Variants in MAML2 observed in about 807,000 individuals in gnomAD.
MAML2 encodes the protein mastermind like transcriptional coactivator 2, also known as mastermind-like protein 2.
A neutral mutation model predicts 96.1 loss-of-function variants in MAML2; 22 were observed. The ratio of observed to expected loss-of-function variants is 0.23; its 90% CI spans 0.16 to 0.33. The LOEUF (loss-of-function observed/expected upper bound fraction) is 0.33, where lower values mean the gene tolerates loss of function less well. Ranked by LOEUF, MAML2 falls within the 10% of genes least tolerant of loss-of-function variation. The pLI, the probability that MAML2 is intolerant of heterozygous loss-of-function variation, is 1.00. For missense variants in MAML2, 1,367 were observed against 1,392.4 expected, an observed-to-expected ratio of 0.98 and a Z score of 0.29; for synonymous variants, 561 against 521.3, an observed-to-expected ratio of 1.08 and a Z score of -1.04.
intron 1 of MAML2, among the ~76,000 whole-genome samples, chr11:96,122,302 GA>G: frequency 6.6e-6 from 1 of 151,432 alleles, no homozygotes; most frequent in East Asian, 1.9e-4. Context: ...AAAACCTGCA[GA>G]TTTTTTTTTT....
chr11:96,289,571 G>A (rs1863182806), intron 1 of MAML2, among the ~76,000 whole-genome samples: 1 of 152,154 alleles, frequency 6.6e-6, no homozygotes, highest in Admixed American at 6.5e-5. Context: ...TAATTTAAGA[G>A]AAGAAAATGA....
intron 1 of MAML2, among the ~76,000 whole-genome samples, chr11:96,306,171 T>C (rs1374951335): frequency 6.6e-6 from 1 of 152,166 alleles, no homozygotes; most frequent in African/African-American, 2.4e-5. Flanking sequence ...AGTTGTGCCT[T>C]TGATCACTGC....
At chr11:96,299,176 T>C (rs1863352570) in intron 1 of MAML2, among the ~76,000 whole-genome samples, 1 of 149,928 alleles carries the variant, frequency 6.7e-6, no homozygotes, top group African/African-American at 2.5e-5. Flanking sequence ...AGGGGTTCAG[T>C]ATCTGCCCAA....
intron 1 of MAML2, among the ~76,000 whole-genome samples, chr11:96,196,282 T>G (rs1028269966): frequency 2.0e-5 from 3 of 150,276 alleles, no homozygotes; most frequent in Non-Finnish European, 4.4e-5. Flanking sequence ...CCCAGTTGCT[T>G]CGGTGATTTT....
At position 95,991,722 on chromosome 11, in the gene MAML2, T is replaced by C. The variant is rs1284540813; in HGVS notation, c.2141A>G (p.Asp714Gly). The change falls in exon 3 of 5, where the codon GAT becomes GGT. Residue 714 changes from aspartate to glycine, a missense_variant and splice_region_variant. Coordinates refer to ENST00000524717, the MANE Select transcript of MAML2 (RefSeq NM_032427.4). The stretch of plus-strand genomic sequence containing the variant: ...GTTCTGGCCTACCACAGAGTGTTGA[T>C]CCTAAAGAAGAGAAAGGGGGAAGGA... ...GYQVSQQQRQ[D>G]QHSVVGQNTG... 1 of 1,612,666 alleles carries C rather than the reference T, an allele frequency of 6.2e-7. No individual in the cohort carries two copies. The highest frequency in any genetic ancestry group is 1.7e-5 in the Admixed American group (1 of 59,922).
chr11:96,183,403 C>CCA (rs1555020954), intron 1 of MAML2, among the ~76,000 whole-genome samples: 4 of 40,512 alleles, frequency 9.9e-5, no homozygotes, highest in African/African-American at 4.2e-4. Context: ...TCCCCCCCCC[C>CCA]CCTTTCTTTT....
chr11:96,094,685 T>C (rs557960861), intron 1 of MAML2, among the ~76,000 whole-genome samples: 3 of 152,348 alleles, frequency 2.0e-5, no homozygotes, highest in Non-Finnish European at 4.4e-5. Flanking sequence ...TCATCATTCG[T>C]CCTCATATCC....
intron 1 of MAML2, among the ~76,000 whole-genome samples, chr11:96,165,698 C>T (rs1861179021): frequency 6.6e-6 from 1 of 152,096 alleles, no homozygotes; most frequent in African/African-American, 2.4e-5. Context: ...ACAAATTGTC[C>T]TCTGAGGTTA....
intron 2 of MAML2, among the ~76,000 whole-genome samples, chr11:96,058,601 G>A (rs1859106132): frequency 6.6e-6 from 1 of 152,196 alleles, no homozygotes; most frequent in South Asian, 2.1e-4. Flanking sequence ...TTACAGGCAT[G>A]AGCCATCACG....
intron 1 of MAML2, among the ~76,000 whole-genome samples, chr11:96,187,792 CAA>C (rs5793787): frequency 3.1e-5 from 4 of 128,600 alleles, no homozygotes; most frequent in Admixed American, 7.9e-5. Context: ...AACTCTGTCT[CAA>C]AAAAAAAAAA....
chr11:96,021,524 G>A (rs1858435040), intron 2 of MAML2, among the ~76,000 whole-genome samples: 1 of 152,098 alleles, frequency 6.6e-6, no homozygotes, highest in Non-Finnish European at 1.5e-5. Flanking sequence ...TGGGACTTCT[G>A]GTTAGCTCAA....
intron 1 of MAML2, among the ~76,000 whole-genome samples, chr11:96,221,954 T>C (rs184599833): frequency 6.6e-6 from 1 of 152,272 alleles, no homozygotes; most frequent in African/African-American, 2.4e-5. Flanking sequence ...CATCATCCCC[T>C]GTGTTTCACC....
At chr11:96,337,149 T>C (rs1000993854) in intron 1 of MAML2, among the ~76,000 whole-genome samples, 2 of 152,186 alleles carry the variant, frequency 1.3e-5, no homozygotes, top group Non-Finnish European at 2.9e-5. Flanking sequence ...ATTCTCCTTT[T>C]TTTTTACTTT....
chr11:96,196,438 G>A (rs1861733003), intron 1 of MAML2, among the ~76,000 whole-genome samples: 8 of 152,162 alleles, frequency 5.3e-5, no homozygotes, highest in South Asian at 4.1e-4. Context: ...CCTGGATATC[G>A]ACTTTCTGAT....
chr11:96,071,790 C>T (rs1427446206), intron 2 of MAML2, among the ~76,000 whole-genome samples: 1 of 152,112 alleles, frequency 6.6e-6, no homozygotes, highest in Non-Finnish European at 1.5e-5. Context: ...TTTCTTTTTC[C>T]TCCCCAGTCC....
intron 1 of MAML2, among the ~76,000 whole-genome samples, chr11:96,280,416 TG>T (rs1435351071): frequency 6.6e-5 from 10 of 152,200 alleles, no homozygotes; most frequent in African/African-American, 2.4e-4. Context: ...AAACTGTTAA[TG>T]AACTTTCTTT....
chr11:96,343,140 G>A lies in MAML2; in HGVS notation c.-1245C>T, dbSNP rs545188803. 412 of 396,912 alleles carry A rather than the reference G, an allele frequency of 1.0e-3. No homozygotes were observed. The highest frequency in any genetic ancestry group is 6.3e-3 in the Middle Eastern group (10 of 1,586). 24.6% of individuals were successfully genotyped at this position (396,912 alleles called of 1,614,324 possible). ...ACACTGGCTCGCGCCCGGAGTCACG[G>A]CGATACACAGGCTTTCATTGTGCTC... is the stretch of plus-strand genomic sequence containing the variant. On this transcript the variant is annotated 5_prime_UTR_variant, in exon 1 of 5. Transcript: ENST00000524717.
chr11:96,053,459 G>A (rs1263245885), intron 2 of MAML2, among the ~76,000 whole-genome samples: 2 of 152,214 alleles, frequency 1.3e-5, no homozygotes, highest in Non-Finnish European at 2.9e-5. Context: ...GGCAAAAGAA[G>A]GAAGTTGGTC....
At chr11:95,986,589 T>C (rs986618392) in intron 3 of MAML2, among the ~76,000 whole-genome samples, 7 of 151,174 alleles carry the variant, frequency 4.6e-5, no homozygotes, top group African/African-American at 1.5e-4. Flanking sequence ...ACTATATGAA[T>C]TTTATCTCTT....
Sources: gnomAD v4.1 joint callset for allele counts (sites outside exome capture counted in the v4.1 genomes callset) on GRCh38, gnomAD v4.1.1 for gene constraint, MANE v1.5 for transcripts, NCBI Gene and HGNC (gene_info 2026-07-23, HGNC 2026-07-21) for gene names.